ZNF732: variants seen among roughly 807,000 people sequenced by gnomAD.
ZNF732 encodes zinc finger protein 732.
ZNF732 carries 12 observed loss-of-function variants against 11.5 expected under a neutral mutation model. The observed-to-expected ratio is 1.05, with a 90% CI of 0.67 to 1.70. ZNF732 has a LOEUF of 1.70. Ranked by LOEUF, ZNF732 falls within the 40% of genes most tolerant of loss-of-function variation. The probability of loss-of-function intolerance (pLI) is 0.00; values close to 1 mark genes in which losing one functional copy is unlikely to be tolerated. For missense variants in ZNF732, 702 were observed against 676.9 expected, an observed-to-expected ratio of 1.04 and a Z score of -0.41; for synonymous variants, 231 against 236.5, an observed-to-expected ratio of 0.98 and a Z score of 0.21.
intron 3 of ZNF732, among the ~76,000 whole-genome samples, chr4:278,459 T>C (rs1246766321): frequency 2.6e-5 from 4 of 152,206 alleles, no homozygotes; most frequent in Non-Finnish European, 5.9e-5. Flanking sequence ...TTCTGACACA[T>C]CTTTGTGGAG....
chr4:287,999 T>C (rs948080402), intron 3 of ZNF732, among the ~76,000 whole-genome samples: 1 of 152,182 alleles, frequency 6.6e-6, no homozygotes, highest in Non-Finnish European at 1.5e-5. Flanking sequence ...ACAATAACCT[T>C]ATTGTGGTTT....
chr4:299,484 C>CGT (rs1720057023), intron 1 of ZNF732, among the ~76,000 whole-genome samples: 2 of 102,986 alleles, frequency 1.9e-5, no homozygotes, highest in South Asian at 6.7e-4. Flanking sequence ...CACATATATA[C>CGT]ACATATGTGT....
At chr4:296,181 C>CA in intron 1 of ZNF732, 26 bp from the exon 2 acceptor site, 2 of 1,604,618 alleles carry the variant, frequency 1.2e-6, no homozygotes, top group Non-Finnish European at 1.7e-6. Flanking sequence ...TATCAAGTGA[C>CA]AGAGTTCTTA....
chr4:277,388 A>G (rs1044286958), intron 3 of ZNF732, among the ~76,000 whole-genome samples: 30 of 152,090 alleles, frequency 2.0e-4, no homozygotes, highest in Admixed American at 6.5e-5. Context: ...CAAAATGTAC[A>G]TGACAAAAGA....
In ZNF732 at chr4:270,811, G is replaced by T. The variant is rs926103566; in HGVS notation, c.*288C>A. 4.9e-6 allele frequency: 3 copies of T among 614,578 alleles called. No homozygotes were observed. Among genetic ancestry groups the T allele is most frequent in the Non-Finnish European group, 9.2e-6 (3 of 327,124 alleles). 38.1% of individuals were successfully genotyped at this position (614,578 alleles called of 1,614,324 possible). Reference sequence around the variant, plus strand: ...AATTTTCTTATGTTCACTCAGGGTTGTGGACCATCTAAAAGCTTTGCCACA... The same window carrying T: ...AATTTTCTTATGTTCACTCAGGGTTTTGGACCATCTAAAAGCTTTGCCACA... On this transcript the variant is annotated 3_prime_UTR_variant, in exon 4 of 4. Transcript: ENST00000419098.
intron 3 of ZNF732, among the ~76,000 whole-genome samples, chr4:276,881 T>C (rs1387004079): frequency 1.3e-5 from 2 of 149,668 alleles, no homozygotes; most frequent in Non-Finnish European, 3.0e-5. Context: ...AAAAAACAGC[T>C]GGAAGCATCA....
chr4:299,127 G>A (rs1553842978), intron 1 of ZNF732, among the ~76,000 whole-genome samples: 2 of 151,978 alleles, frequency 1.3e-5, no homozygotes, highest in African/African-American at 4.8e-5. Flanking sequence ...GGATCAATGT[G>A]CCTCAGCATT....
intron 1 of ZNF732, 124 bp from the exon 2 acceptor site, chr4:296,279 A>C (rs1719950466): frequency 7.6e-7 from 1 of 1,308,968 alleles, no homozygotes. Context: ...TCAACACAGT[A>C]ATGTTCTCTA....
At chr4:299,430 TATGTGTATATATATATATATACAC>T (rs1560165181) in intron 1 of ZNF732, among the ~76,000 whole-genome samples, 1 of 77,778 alleles carries the variant, frequency 1.3e-5, no homozygotes, top group Non-Finnish European at 2.3e-5. Context: ...TATATACACA[TATGTGTATATATATATATATACAC>T]ATATGTGTAT....
intron 1 of ZNF732, among the ~76,000 whole-genome samples, chr4:299,580 TTATA>T (rs1370463702): frequency 7.1e-6 from 1 of 139,930 alleles, no homozygotes; most frequent in African/African-American, 2.7e-5. Context: ...TATATATAAT[TTATA>T]TATAAATATA....
intron 1 of ZNF732, among the ~76,000 whole-genome samples, chr4:298,819 G>T (rs562053524): frequency 7.2e-5 from 11 of 152,306 alleles, no homozygotes; most frequent in Non-Finnish European, 1.2e-4. Context: ...TTTACGGGGA[G>T]GCATTGTTGT....
chr4:283,355 C>G (rs1719655105), intron 3 of ZNF732, among the ~76,000 whole-genome samples: 1 of 151,846 alleles, frequency 6.6e-6, no homozygotes, highest in Admixed American at 6.6e-5. Context: ...AAAAAATCAA[C>G]AACATGCTGC....
chr4:303,075 C>T (rs1444334552), intron 1 of ZNF732, among the ~76,000 whole-genome samples: 4 of 152,146 alleles, frequency 2.6e-5, no homozygotes, highest in African/African-American at 9.7e-5. Context: ...CCACAGTTCC[C>T]AGGAATTCGT....
chr4:294,535 T>C (rs1719906855), intron 3 of ZNF732, among the ~76,000 whole-genome samples: 1 of 152,226 alleles, frequency 6.6e-6, no homozygotes. Context: ...ATATTAGCAA[T>C]GTTCTAAGCT....
In ZNF732 at chr4:303,585, C is replaced by T. The variant is rs1720161508; in HGVS notation, c.3+1723G>A. 1.3e-5 allele frequency among the ~76,000 whole-genome samples: 2 copies of T among 152,196 alleles called. 1 individual carries two copies. The highest frequency in any genetic ancestry group is 4.8e-5 in the African/African-American group (2 of 41,444). ...GAGCCGATATCACGGCACTGCCCTC[C>T]AGCCTGGGCAACAGAGTGAGACTCC... On this transcript the variant is annotated intron_variant, in intron 1 of 3. Coordinates refer to ENST00000419098, the MANE Select transcript of ZNF732 (RefSeq NM_001137608.3).
At chr4:275,119 T>C (rs1315134460) in intron 3 of ZNF732, among the ~76,000 whole-genome samples, 1 of 151,608 alleles carries the variant, frequency 6.6e-6, no homozygotes, top group Non-Finnish European at 1.5e-5. Context: ...CAATACCTCA[T>C]ACAATATTCT....
At chr4:304,573 CCCT>C (rs1227285562) in intron 1 of ZNF732, among the ~76,000 whole-genome samples, 6 of 150,118 alleles carry the variant, frequency 4.0e-5, no homozygotes, top group African/African-American at 1.5e-4. Context: ...GCTGCCCCCC[CCCT>C]GCAGACGGCA....
chr4:271,426 T>A lies in ZNF732; in HGVS notation c.1431A>T (p.Glu477Asp). 1.9e-6 allele frequency: 3 copies of A among 1,603,122 alleles called. No individual in the cohort carries two copies. In the African/African-American group the frequency reaches 4.0e-5, roughly 21 times the overall value. ...IHTGEKPYRC[E>D]ECGKAFLCSR... ...AACATAAAAAGGCTTTGCCACACTC[T>A]TCACATCTATAAGGTTTCTCTCCAG... is the stretch of plus-strand genomic sequence containing the variant. Residue 477 changes from glutamate to aspartate, a missense_variant, in exon 4 of 4, where the codon GAA becomes GAT. Transcript: ENST00000419098.
Position 303,312 on chromosome 4 carries a change from C to G in ZNF732, c.3+1996G>C, listed in dbSNP as rs563562002. Among the ~76,000 whole-genome samples the G allele has an allele frequency of 2.6e-5, 4 of 152,312 alleles. No individual in the cohort carries two copies. In the South Asian group the frequency reaches 6.2e-4, roughly 24 times the overall value. ...CGAGAGAACTTTGAGCGTTAGCCGTCTCTTGGCCGCTGGCTAAATAAACGG... is the reference window on the plus strand; with the variant it reads ...CGAGAGAACTTTGAGCGTTAGCCGTGTCTTGGCCGCTGGCTAAATAAACGG... On this transcript the variant is annotated intron_variant, in intron 1 of 3. Transcript: ENST00000419098.
Sources: allele counts gnomAD v4.1 joint callset (sites outside exome capture counted in the v4.1 genomes callset), GRCh38; gene constraint gnomAD v4.1.1; transcripts MANE v1.5; gene names NCBI Gene and HGNC (gene_info 2026-07-23, HGNC 2026-07-21).